ROR2: variants seen among roughly 807,000 people sequenced by gnomAD.
The protein encoded by ROR2 is tyrosine-protein kinase transmembrane receptor ROR2.
A neutral mutation model predicts 74.9 loss-of-function variants in ROR2; 33 were observed. The observed-to-expected ratio is 0.44, with a 90% CI of 0.33 to 0.59. ROR2 has a LOEUF of 0.59. Among genes scored for constraint, ROR2 ranks in the 20% least tolerant of loss-of-function variants. The pLI, the probability that ROR2 is intolerant of heterozygous loss-of-function variation, is 0.02. For synonymous variants in ROR2, 586 were observed against 558.7 expected, an observed-to-expected ratio of 1.05 and a Z score of -0.69; for missense variants, 1,216 against 1,313.8, an observed-to-expected ratio of 0.93 and a Z score of 1.15.
intron 1 of ROR2, among the ~76,000 whole-genome samples, chr9:91,937,432 C>G (rs1039341049): frequency 2.0e-5 from 3 of 152,066 alleles, no homozygotes; most frequent in African/African-American, 7.2e-5. Context: ...AGGACGCCCC[C>G]CAGACCCAGA....
At chr9:91,863,042 T>C (rs138683990) in intron 1 of ROR2, among the ~76,000 whole-genome samples, 259 of 152,318 alleles carry the variant, frequency 1.7e-3, no homozygotes, top group African/African-American at 6.0e-3. Context: ...ACCTACTAGT[T>C]CGCTTATAAT....
intron 1 of ROR2, among the ~76,000 whole-genome samples, chr9:91,931,409 A>G (rs969346864): frequency 6.6e-6 from 1 of 152,240 alleles, no homozygotes; most frequent in Non-Finnish European, 1.5e-5. Flanking sequence ...CCCAGTGTCC[A>G]AAAGCACAAC....
chr9:91,815,391 G>T (rs556013855), intron 1 of ROR2, among the ~76,000 whole-genome samples: 1 of 152,196 alleles, frequency 6.6e-6, no homozygotes, highest in East Asian at 1.9e-4. Context: ...CATAATAAAA[G>T]TTGTCACATG....
intron 1 of ROR2, among the ~76,000 whole-genome samples, chr9:91,907,010 C>T (rs564482585): frequency 1.3e-5 from 2 of 152,180 alleles, no homozygotes; most frequent in South Asian, 4.1e-4. Context: ...GCACACTTTA[C>T]ATCTTGCAAA....
At chr9:91,727,789 G>C (rs554961083) in intron 7 of ROR2, among the ~76,000 whole-genome samples, 30 of 152,316 alleles carry the variant, frequency 2.0e-4, no homozygotes, top group African/African-American at 7.0e-4. Context: ...AGTGATTTCT[G>C]GTCAGTGTGA....
At chr9:91,877,584 G>T (rs1829992775) in intron 1 of ROR2, among the ~76,000 whole-genome samples, 1 of 152,186 alleles carries the variant, frequency 6.6e-6, no homozygotes, top group South Asian at 2.1e-4. Context: ...GACATATTAG[G>T]TGTTGCCAGA....
chr9:91,940,271 T>A (rs1192532342), intron 1 of ROR2, among the ~76,000 whole-genome samples: 2 of 152,214 alleles, frequency 1.3e-5, no homozygotes, highest in African/African-American at 4.8e-5. Context: ...CATGCTGAAG[T>A]ATTTTCAGGT....
At chr9:91,807,641 C>T (rs960805678) in intron 1 of ROR2, among the ~76,000 whole-genome samples, 3 of 152,154 alleles carry the variant, frequency 2.0e-5, no homozygotes, top group South Asian at 2.1e-4. Flanking sequence ...GGGGATCAGA[C>T]GCTACCTCCA....
chr9:91,842,500 C>G (rs150301344), intron 1 of ROR2, among the ~76,000 whole-genome samples: 3 of 152,350 alleles, frequency 2.0e-5, no homozygotes, highest in African/African-American at 7.2e-5. Flanking sequence ...TCACCCCGTG[C>G]GTTAGTGTCT....
In ROR2 at chr9:91,724,576, C is replaced by A. The variant is rs761791616; in HGVS notation, c.1918G>T (p.Val640Leu). 6.2e-7 allele frequency: 1 copy of A among 1,614,110 alleles called. No homozygotes were observed. Among genetic ancestry groups the A allele is most frequent in the South Asian group, 1.1e-5 (1 of 91,076 alleles). Residue 640 changes from valine (V) to leucine (L), a missense_variant, in exon 9 of 9, where the codon GTG becomes TTG. Transcript: ENST00000375708. ...KISDLGLFRE[V>L]YAADYYKLLG... is the part of the protein sequence containing the mutation. The stretch of plus-strand genomic sequence containing the variant: ...AGCTTGTAGTAATCGGCGGCATACA[C>A]CTCTCGGAAGAGGCCCAAGTCTGAG...
At chr9:91,913,865 A>G (rs138396459) in intron 1 of ROR2, among the ~76,000 whole-genome samples, 63 of 152,310 alleles carry the variant, frequency 4.1e-4, no homozygotes, top group Middle Eastern at 3.4e-3. Flanking sequence ...GTTTCCCAAC[A>G]TGAAAAGTTC....
intron 1 of ROR2, among the ~76,000 whole-genome samples, chr9:91,888,133 A>G (rs929867205): frequency 1.3e-5 from 2 of 152,046 alleles, no homozygotes; most frequent in African/African-American, 4.8e-5. Flanking sequence ...TCAGACTTCT[A>G]TATTTTTGTA....
chr9:91,724,723 C>T lies in ROR2; in HGVS notation c.1771G>A (p.Asp591Asn), dbSNP rs768175141. The T allele has an allele frequency of 3.9e-5, 63 of 1,614,014 alleles. No individual in the cohort carries two copies. Among genetic ancestry groups the T allele is most frequent in the African/African-American group, 8.0e-5 (6 of 74,924 alleles). The change falls in exon 9 of 9, where the codon GAC (aspartate) becomes AAC (asparagine). Residue 591 changes from aspartate to asparagine, a missense_variant. Physicochemically the swap from Asp to Asn is conservative, Grantham distance 23. Transcript: ENST00000375708. ...ATCTGTGCCACAAGGTGCACGAAGT[C>T]GGGGGGCTCCAGGGCGGACTTCACC... Reference protein sequence around the residue: ...RTVKSALEPPDFVHLVAQIAA... With the variant: ...RTVKSALEPPNFVHLVAQIAA...
In ROR2 at chr9:91,722,907, G is replaced by T; in HGVS notation, c.*755C>A. Reference sequence around the variant, plus strand: ...GATTCTTAACAAAAATAACAATACCGTGTTCTGTACAATACTGCTTCCTCT... The same window carrying T: ...GATTCTTAACAAAAATAACAATACCTTGTTCTGTACAATACTGCTTCCTCT... On this transcript the variant is annotated 3_prime_UTR_variant, in exon 9 of 9. Transcript: ENST00000375708. The T allele has an allele frequency of 2.5e-6, 1 of 395,590 alleles. No homozygotes were observed. Among genetic ancestry groups the T allele is most frequent in the Non-Finnish European group, 4.7e-6 (1 of 213,304 alleles). 24.5% of individuals were successfully genotyped at this position (395,590 alleles called of 1,614,324 possible).
rs143880996 is a variant in ROR2, at chr9:91,768,238, T to C, written c.175+7503A>G. 9.6e-4 allele frequency among the ~76,000 whole-genome samples: 146 copies of C among 152,322 alleles called. 2 individuals are homozygous for C. The highest frequency in any genetic ancestry group is 1.5e-3 in the East Asian group (8 of 5,186). ...CCAGAGCTGAGAGAAAACATTCTGA[T>C]GTCTTAAGGCACCTCGTCTTGAAGT... On this transcript the variant is annotated intron_variant, in intron 2 of 8. Transcript: ENST00000375708.
chr9:91,754,620 A>G (rs1326389536), intron 4 of ROR2, among the ~76,000 whole-genome samples: 2 of 152,194 alleles, frequency 1.3e-5, no homozygotes, highest in African/African-American at 4.8e-5. Flanking sequence ...GCACCACTGC[A>G]CTCCAGCCTG....
chr9:91,897,862 T>C (rs1262807933), intron 1 of ROR2, among the ~76,000 whole-genome samples: 1 of 152,124 alleles, frequency 6.6e-6, no homozygotes, highest in Non-Finnish European at 1.5e-5. Context: ...AGGGAGTCCC[T>C]GTGTGTATCA....
chr9:91,754,587 A>G (rs1183825909), intron 4 of ROR2, among the ~76,000 whole-genome samples: 1 of 152,176 alleles, frequency 6.6e-6, no homozygotes, highest in Non-Finnish European at 1.5e-5. Context: ...CTTGGCAGGC[A>G]GAGGTTGCAG....
At chr9:91,804,166 C>T (rs1434135462) in intron 1 of ROR2, among the ~76,000 whole-genome samples, 1 of 152,196 alleles carries the variant, frequency 6.6e-6, no homozygotes, top group Non-Finnish European at 1.5e-5. Context: ...GCCTGCCACA[C>T]GGCTCCGTCA....
Sources: allele counts gnomAD v4.1 joint callset (sites outside exome capture counted in the v4.1 genomes callset), GRCh38; gene constraint gnomAD v4.1.1; transcripts MANE v1.5; gene names NCBI Gene and HGNC (gene_info 2026-07-23, HGNC 2026-07-21).